Variants in DTX2 observed in about 807,000 individuals in gnomAD.
The protein encoded by DTX2 is deltex E3 ubiquitin ligase 2.
Under a neutral mutation model 55.3 loss-of-function variants are expected in DTX2, and 29 were observed. That is an observed-to-expected ratio of 0.52 (90% CI 0.39 to 0.71). DTX2 has a LOEUF of 0.71. DTX2 is among the 30% of genes least tolerant of loss of function. The pLI, the probability that DTX2 is intolerant of heterozygous loss-of-function variation, is 0.00. For missense variants in DTX2, 537 were observed against 822.5 expected (o/e 0.65, Z 4.25); for synonymous variants, 276 against 340.4 (o/e 0.81, Z 2.08).
intron 2 of DTX2, 25 bp from the exon 3 acceptor site, chr7:76,480,396 C>A (rs142596194): frequency 0.024 from 28,908 of 1,216,840 alleles, 421 homozygotes; most frequent in Non-Finnish European, 0.026. Flanking sequence ...GCATTGGTAA[C>A]TGCTCATGTC....
intron 5 of DTX2, among the ~76,000 whole-genome samples, chr7:76,493,760 G>T (rs1810629246): frequency 7.0e-6 from 1 of 143,432 alleles, no homozygotes; most frequent in African/African-American, 2.5e-5. Context: ...TGGAGTGGAG[G>T]GGGAGGTTTG....
At chr7:76,493,865 C>G (rs1353355848) in intron 5 of DTX2, among the ~76,000 whole-genome samples, 1 of 122,656 alleles carries the variant, frequency 8.2e-6, no homozygotes, top group African/African-American at 2.8e-5. Context: ...CCAGTCACAA[C>G]TGAGGAGCAG....
At chr7:76,469,559 A>C (rs1001256708) in intron 2 of DTX2, among the ~76,000 whole-genome samples, 5 of 149,904 alleles carry the variant, frequency 3.3e-5, no homozygotes, top group African/African-American at 9.9e-5. Context: ...CACTTGGCTA[A>C]TTTTTTGTAT....
rs924090246 is a variant in DTX2 at position 76,505,959 on chromosome 7, A to C, written c.*358A>C. ...GTTCTGGGTCAGCTTCTTTTACCTC[A>C]ATTTTGTTTGCAATAAATGCTCTAT... On this transcript the variant is annotated 3_prime_UTR_variant, in exon 11 of 11. Coordinates refer to ENST00000430490, the MANE Select transcript of DTX2 (RefSeq NM_001102594.3). This position sits in a 1 kb window ranked among gnomAD's most constrained non-coding sequence, Gnocchi z 4.4. 1.7e-5 allele frequency: 7 copies of C among 407,264 alleles called. No individual in the cohort carries two copies. Among genetic ancestry groups the C allele is most frequent in the Admixed American group, 8.2e-5 (2 of 24,510 alleles). The allele number at this position is 407,264 out of a possible 1,614,324, so 25.2% of individuals were successfully genotyped here. A position where few individuals can be genotyped will look rare whatever the true frequency, so the allele number is the denominator to read the frequency against.
At chr7:76,473,185 T>A (rs953986711) in intron 2 of DTX2, among the ~76,000 whole-genome samples, 8 of 151,956 alleles carry the variant, frequency 5.3e-5, no homozygotes, top group African/African-American at 1.9e-4. Context: ...AGAACATTTC[T>A]TTGATATGTT....
At chr7:76,480,867 C>A (rs1809115146) in intron 3 of DTX2, 90 bp downstream of exon 3, 1 of 1,412,656 alleles carries the variant, frequency 7.1e-7, no homozygotes, top group African/African-American at 1.4e-5. Flanking sequence ...ATGGACGTGA[C>A]TTACAGAGCT....
chr7:76,481,477 G>A (rs1343715165), intron 3 of DTX2, among the ~76,000 whole-genome samples: 4 of 152,134 alleles, frequency 2.6e-5, no homozygotes, highest in Admixed American at 6.6e-5. Context: ...ATGAGCCACC[G>A]CGCCTGGACC....
chr7:76,471,804 G>A (rs544055337), intron 2 of DTX2, among the ~76,000 whole-genome samples: 2,385 of 149,530 alleles, frequency 0.016, no homozygotes, highest in Non-Finnish European at 0.022. Context: ...GGCTGCAGGT[G>A]GTCAGATTGC....
At chr7:76,498,860 AGG>A (rs1811262276) in intron 6 of DTX2, among the ~76,000 whole-genome samples, 1 of 52,924 alleles carries the variant, frequency 1.9e-5, no homozygotes, top group Non-Finnish European at 3.4e-5. Flanking sequence ...TGTGGAGGTG[AGG>A]GTGTGTGGGG....
intron 2 of DTX2, among the ~76,000 whole-genome samples, chr7:76,466,184 C>CGA (rs1302094100): frequency 2.4e-5 from 3 of 125,444 alleles, no homozygotes; most frequent in Non-Finnish European, 4.9e-5. Flanking sequence ...TTCTGTGCGC[C>CGA]GAGGCTTGTG....
chr7:76,468,180 G>A (rs1206359305), intron 2 of DTX2, among the ~76,000 whole-genome samples: 61 of 152,392 alleles, frequency 4.0e-4, no homozygotes, highest in Non-Finnish European at 3.4e-4. Flanking sequence ...CCAGGGGCGG[G>A]TGCTGTTGGC....
chr7:76,486,642 C>T (rs1397726726), intron 4 of DTX2, among the ~76,000 whole-genome samples: 3 of 120,106 alleles, frequency 2.5e-5, no homozygotes, highest in Non-Finnish European at 5.1e-5. Context: ...GGAAATCTTT[C>T]CTAAATGTGT....
chr7:76,474,053 G>C (rs1808250395), intron 2 of DTX2, among the ~76,000 whole-genome samples: 1 of 148,252 alleles, frequency 6.7e-6, no homozygotes, highest in South Asian at 2.2e-4. Context: ...TCCCTAGTAG[G>C]TGAGATTACA....
Position 76,468,758 on chromosome 7 carries a change from A to AT in DTX2, c.-90+5071dup, listed in dbSNP as rs3972784. Among the ~76,000 whole-genome samples, 173 of 27,030 alleles carry AT rather than the reference A, an allele frequency of 6.4e-3. 10 individuals carry two copies. The highest frequency in any genetic ancestry group is 0.012 in the Admixed American group (23 of 1,894). The allele number at this position is 27,030 out of a possible 152,430, so 17.7% of individuals were successfully genotyped here. On this transcript the variant is annotated intron_variant, in intron 2 of 10. Transcript: ENST00000430490. The stretch of plus-strand genomic sequence containing the variant: ...ATAGGCGTGAGCCACCACGCCCAGC[A>AT]TTTTTTTTTTTTTTTTTTTTTTGAG...
At chr7:76,501,306 T>C (rs1250359839) in intron 7 of DTX2, 1 of 456,090 alleles carries the variant, frequency 2.2e-6, no homozygotes, top group East Asian at 6.9e-5. Context: ...AGTAAAGGTT[T>C]GGAAAGGAGC....
At chr7:76,479,794 A>G (rs1204685223) in intron 2 of DTX2, among the ~76,000 whole-genome samples, 3 of 151,002 alleles carry the variant, frequency 2.0e-5, no homozygotes, top group African/African-American at 7.3e-5. Flanking sequence ...AAATACATGC[A>G]TGATGAAACA....
At position 76,482,930 on chromosome 7, in the gene DTX2, C is replaced by G. The variant is rs757469796; in HGVS notation, c.691C>G (p.Pro231Ala). Residue 231 changes from proline (P) to alanine (A), a missense_variant, in exon 4 of 11, where the codon CCA becomes GCA. Pro to Ala is a conservative substitution (Grantham distance 27). Around this residue, in one of 7 missense-constraint regions of DTX2, gnomAD observed 301 missense variants for 396.6 expected, o/e 0.76. Coordinates refer to ENST00000430490, the MANE Select transcript of DTX2 (RefSeq NM_001102594.3). ...LPAYPVPQHP[P>A]HRTASVFGTH... ...TGCATACCCCGTCCCCCAGCACCCCCCACACAGGACCGCTTCTGTGTTTGG... is the reference window on the plus strand; with the variant it reads ...TGCATACCCCGTCCCCCAGCACCCCGCACACAGGACCGCTTCTGTGTTTGG... 3.7e-6 allele frequency: 6 copies of G among 1,613,794 alleles called. No individual in the cohort carries two copies. In the South Asian group the frequency reaches 6.6e-5, roughly 18 times the overall value.
intron 4 of DTX2, among the ~76,000 whole-genome samples, chr7:76,489,731 G>A (rs1389508491): frequency 2.1e-5 from 2 of 96,482 alleles, no homozygotes; most frequent in East Asian, 3.3e-4. Context: ...GCTGAGGCAC[G>A]AGAATTGCTT....
At chr7:76,486,773 T>C (rs1809946023) in intron 4 of DTX2, among the ~76,000 whole-genome samples, 1 of 137,118 alleles carries the variant, frequency 7.3e-6, no homozygotes, top group Non-Finnish European at 1.6e-5. Flanking sequence ...CCTGTGGGCG[T>C]TTTGCTCTGT....
Sources: gnomAD v4.1 joint callset for allele counts (sites outside exome capture counted in the v4.1 genomes callset) on GRCh38, gnomAD v4.1.1 for gene constraint, gnomAD v4.1.1 regional missense constraint, Gnocchi (gnomAD v3.1) non-coding constraint, MANE v1.5 for transcripts, NCBI Gene and HGNC (gene_info 2026-07-23, HGNC 2026-07-21) for gene names.